LILRA1: variants seen among roughly 807,000 people sequenced by gnomAD.
LILRA1 encodes the protein leukocyte immunoglobulin like receptor A1, also known as leukocyte immunoglobulin-like receptor subfamily A member 1.
A neutral mutation model predicts 51.6 loss-of-function variants in LILRA1; 51 were observed. The ratio of observed to expected loss-of-function variants is 0.99; its 90% CI spans 0.79 to 1.25. LILRA1 has a LOEUF of 1.25. Ranked by LOEUF, LILRA1 falls within the 50% of genes most tolerant of loss-of-function variation. The pLI is 0.00. For synonymous variants in LILRA1, 305 were observed against 248.4 expected (o/e 1.23, Z -2.14); for missense variants, 660 against 611.7 (o/e 1.08, Z -0.83).
At position 54,602,375 on chromosome 19, in the gene LILRA1, A is replaced by G. The variant is rs1360856772; in HGVS notation, c.*1558A>G. Among the ~76,000 whole-genome samples the G allele has an allele frequency of 6.6e-6, 1 of 152,236 alleles. No individual in the cohort carries two copies. The highest frequency in any genetic ancestry group is 1.9e-4 in the East Asian group (1 of 5,198). ...CCCTCTAGAATAAAGAAATCTTATT[A>G]AGGACATTTTCAAAGCCTTAACAGA... On this transcript the variant is annotated 3_prime_UTR_variant, in exon 10 of 10. Transcript: ENST00000251372.
chr19:54,594,577 G>A (rs2062981871), intron 3 of LILRA1, 88 bp from the exon 4 acceptor site: 1 of 1,611,152 alleles, frequency 6.2e-7, no homozygotes, highest in African/African-American at 1.3e-5. Context: ...TGGACTGACT[G>A]ATGGGGGCAT....
rs771184072 is a variant in LILRA1 at position 54,596,495 on chromosome 19, A to G, written c.1261+4A>G. On this transcript the variant is annotated splice_donor_region_variant and intron_variant, in intron 7 of 9. Coordinates refer to ENST00000251372, the MANE Select transcript of LILRA1 (RefSeq NM_006863.4). The stretch of plus-strand genomic sequence containing the variant: ...TCCCTGGAGCTCATGGTCTCAGGTG[A>G]GGGCCCTGACCCTGTCCTCTCCGAG... 14 of 1,614,050 alleles carry G rather than the reference A, an allele frequency of 8.7e-6. No homozygotes were observed. Among genetic ancestry groups the G allele is most frequent in the Admixed American group, 6.7e-5 (4 of 60,016 alleles).
At chr19:54,596,029 G>A in intron 6 of LILRA1, 94 bp downstream of exon 6, 1 of 1,493,926 alleles carries the variant, frequency 6.7e-7, no homozygotes, top group Non-Finnish European at 9.1e-7. Context: ...AGGGGTGGGG[G>A]TCCCAAGGGA....
At chr19:54,599,184 G>C in intron 7 of LILRA1, 52 bp from the exon 8 acceptor site, 1 of 1,488,060 alleles carries the variant, frequency 6.7e-7, no homozygotes, top group Non-Finnish European at 9.1e-7. Context: ...TATAGAATTT[G>C]TTATATAAGT....
In LILRA1 at chr19:54,601,016, C is replaced by A. The variant is rs766395878; in HGVS notation, c.*199C>A. 3.9e-5 allele frequency: 25 copies of A among 644,052 alleles called. No homozygotes were observed. The highest frequency in any genetic ancestry group is 7.3e-5 in the African/African-American group (4 of 54,646). 39.9% of individuals were successfully genotyped at this position (644,052 alleles called of 1,614,324 possible). ...ATTTTCTGGAGTGATCCATGAAGGA[C>A]CATTAACCTGTGATACCTTTCCTCT... On this transcript the variant is annotated 3_prime_UTR_variant, in exon 10 of 10. Coordinates refer to ENST00000251372, the MANE Select transcript of LILRA1 (RefSeq NM_006863.4).
At chr19:54,599,471 T>G in intron 8 of LILRA1, 185 bp downstream of exon 8, 1 of 1,253,838 alleles carries the variant, frequency 8.0e-7, no homozygotes, top group Non-Finnish European at 1.0e-6. Context: ...AAATAAGAGA[T>G]AACTATCCAT....
chr19:54,595,199 G>C lies in LILRA1; in HGVS notation c.458G>C (p.Ser153Thr), dbSNP rs376498504. 6.2e-7 allele frequency: 1 copy of C among 1,614,134 alleles called. No homozygotes were observed. The highest frequency in any genetic ancestry group is 8.5e-7 in the Non-Finnish European group (1 of 1,180,010). ...LHCVSQVAFG[S>T]FILCKEGEDE... The stretch of plus-strand genomic sequence containing the variant: ...TGTGTCTCACAGGTGGCATTTGGCA[G>C]CTTCATTCTGTGTAAGGAAGGAGAA... The change falls in exon 5 of 10, where the codon AGC becomes ACC. Residue 153 changes from serine to threonine, a missense_variant. Ser to Thr is a moderately conservative substitution (Grantham distance 58). Transcript: ENST00000251372.
Position 54,600,975 on chromosome 19 carries a change from G to A in LILRA1, c.*158G>A. On this transcript the variant is annotated 3_prime_UTR_variant, in exon 10 of 10. Coordinates refer to ENST00000251372, the MANE Select transcript of LILRA1 (RefSeq NM_006863.4). ...ATCATTTTTAGAGGGAGGAATCAGT[G>A]TTGGATTGCAGAGACATTTTCTGGA... 1 of 801,494 alleles carries A rather than the reference G, an allele frequency of 1.2e-6. No homozygotes were observed. Among genetic ancestry groups the A allele is most frequent in the Non-Finnish European group, 2.1e-6 (1 of 481,702 alleles). 49.6% of individuals were successfully genotyped at this position (801,494 alleles called of 1,614,324 possible).
chr19:54,594,570 A>G (rs113761418), intron 3 of LILRA1, 94 bp downstream of exon 3: 77,795 of 1,374,706 alleles, frequency 0.057, 1,909 homozygotes, highest in South Asian at 0.074. Flanking sequence ...GCAGTTCTGG[A>G]CTGACTGATG....
rs147738806 is a variant in LILRA1, at chr19:54,596,354, A to G, written c.1124A>G (p.Tyr375Cys). 1.5e-4 allele frequency: 241 copies of G among 1,604,704 alleles called. No individual in the cohort carries two copies. The highest frequency in any genetic ancestry group is 2.0e-4 in the Non-Finnish European group (233 of 1,173,934). Residue 375 changes from tyrosine (Y) to cysteine (C), a missense_variant, in exon 7 of 10, where the codon TAT (tyrosine) becomes TGT (cysteine). Coordinates refer to ENST00000251372, the MANE Select transcript of LILRA1 (RefSeq NM_006863.4). ...APLRLRSIHE[Y>C]PKYQAEFPMS... ...CTCCGTCTCAGATCAATACACGAAT[A>G]TCCTAAGTACCAGGCTGAATTCCCT...
At position 54,601,380 on chromosome 19, in the gene LILRA1, T is replaced by TTTTGTGATGG; in HGVS notation, c.*563_*564insTTTGTGATGG. The TTTTGTGATGG allele has an allele frequency of 5.9e-6, 1 of 170,686 alleles. No individual in the cohort carries two copies. The allele number at this position is 170,686 out of a possible 1,614,324, so 10.6% of individuals were successfully genotyped here. On this transcript the variant is annotated 3_prime_UTR_variant, in exon 10 of 10. Transcript: ENST00000251372. ...TTCCCTCCTTCTCACATGCTACCTG[T>TTTTGTGATGG]GCAGCTTCTCCTTAGATCATTGTGT...
At position 54,595,143 on chromosome 19, in the gene LILRA1, G is replaced by T. The variant is rs2063006812; in HGVS notation, c.402G>T (p.Val134=). Residue 134 remains valine (V), a synonymous_variant, in exon 5 of 10, where the codon GTG becomes GTT. Transcript: ENST00000251372. ...KPTLSALPSP[V]VTSGGNVTLH... ...CCCTCTCAGCTCTACCCAGCCCTGT[G>T]GTGACCTCAGGAGGGAACGTGACCC... 2 of 1,614,090 alleles carry T rather than the reference G, an allele frequency of 1.2e-6. No homozygotes were observed. The highest frequency in any genetic ancestry group is 4.5e-5 in the East Asian group (2 of 44,874).
chr19:54,594,432 CT>C lies in LILRA1; in HGVS notation c.35-8del. 4 of 1,614,242 alleles carry C rather than the reference CT, an allele frequency of 2.5e-6. No individual in the cohort carries two copies. Among genetic ancestry groups the C allele is most frequent in the Non-Finnish European group, 3.4e-6 (4 of 1,180,036 alleles). The stretch of plus-strand genomic sequence containing the variant: ...AGGGGCAAATTCCTCACAGGGAACT[CT>C]CTTCCAGGGCTGAGTCTGGGCCCCC... On this transcript the variant is annotated splice_polypyrimidine_tract_variant and splice_region_variant and intron_variant, in intron 2 of 9. Coordinates refer to ENST00000251372, the MANE Select transcript of LILRA1 (RefSeq NM_006863.4).
At chr19:54,600,662 C>T in intron 9 of LILRA1, 37 bp from the exon 10 acceptor site, 1 of 1,613,220 alleles carries the variant, frequency 6.2e-7, no homozygotes, top group Non-Finnish European at 8.5e-7. Flanking sequence ...AGTTGATCTG[C>T]CCTGACCTCT....
Position 54,600,444 on chromosome 19 carries a change from G to A in LILRA1, c.1313-68G>A, listed in dbSNP as rs1467117117. ...AGAACTCATGTCAGAAGACATAGGGGAAGATAAGAATGCAGAGCCCAGGGG... is the reference window on the plus strand; with the variant it reads ...AGAACTCATGTCAGAAGACATAGGGAAAGATAAGAATGCAGAGCCCAGGGG... On this transcript the variant is annotated intron_variant, in intron 8 of 9. Transcript: ENST00000251372. The A allele has an allele frequency of 1.1e-5, 17 of 1,503,142 alleles. No homozygotes were observed. The African/African-American group carries it at 2.1e-4, about 18-fold the overall frequency. 93.1% of individuals were successfully genotyped at this position (1,503,142 alleles called of 1,614,324 possible). A position where few individuals can be genotyped will look rare whatever the true frequency, so the allele number is the denominator to read the frequency against.
At chr19:54,599,015 T>C (rs2063116236) in intron 7 of LILRA1, among the ~76,000 whole-genome samples, 1 of 152,048 alleles carries the variant, frequency 6.6e-6, no homozygotes. Flanking sequence ...AGGCTGGTCT[T>C]GAACTCCTGA....
At chr19:54,600,214 T>A (rs1269816127) in intron 8 of LILRA1, among the ~76,000 whole-genome samples, 2 of 152,164 alleles carry the variant, frequency 1.3e-5, no homozygotes, top group African/African-American at 2.4e-5. Flanking sequence ...TGCTCCTGTG[T>A]CCCTGGCTGC....
In LILRA1 at chr19:54,593,675, G is replaced by A. The variant is rs2062954510; in HGVS notation, c.-155G>A. On this transcript the variant is annotated 5_prime_UTR_variant, in exon 1 of 10. Coordinates refer to ENST00000251372, the MANE Select transcript of LILRA1 (RefSeq NM_006863.4). ...CACTGCCACACGCAGCTCAACCTGAGCTACACAGCCAGATGCGAGATGCTT... is the reference window on the plus strand; with the variant it reads ...CACTGCCACACGCAGCTCAACCTGAACTACACAGCCAGATGCGAGATGCTT... 1.1e-5 allele frequency: 5 copies of A among 472,150 alleles called. No individual in the cohort carries two copies. The highest frequency in any genetic ancestry group is 7.6e-5 in the South Asian group (5 of 65,422). The allele number at this position is 472,150 out of a possible 1,614,324, so 29.2% of individuals were successfully genotyped here. A position where few individuals can be genotyped will look rare whatever the true frequency, so the allele number is the denominator to read the frequency against.
chr19:54,598,957 C>T lies in LILRA1; in HGVS notation c.1262-279C>T, dbSNP rs549063680. ...ATTACAGGCGCCCGCCACCATGCCCCGCTAATTTTTGTATTTTTAGTAGAG... is the reference window on the plus strand; with the variant it reads ...ATTACAGGCGCCCGCCACCATGCCCTGCTAATTTTTGTATTTTTAGTAGAG... On this transcript the variant is annotated intron_variant, in intron 7 of 9. Transcript: ENST00000251372. 7.2e-5 allele frequency among the ~76,000 whole-genome samples: 11 copies of T among 151,860 alleles called. No individual in the cohort carries two copies. The East Asian group carries it at 1.2e-3, about 16-fold the overall frequency.
Sources: gnomAD v4.1 joint callset for allele counts (sites outside exome capture counted in the v4.1 genomes callset) on GRCh38, gnomAD v4.1.1 for gene constraint, MANE v1.5 for transcripts, NCBI Gene and HGNC (gene_info 2026-07-23, HGNC 2026-07-21) for gene names.